The following F5 variants were observed in gnomAD, a reference collection of about 807,000 sequenced individuals.
F5 encodes activated protein c cofactor.
A neutral mutation model predicts 216.4 loss-of-function variants in F5; 138 were observed. The ratio of observed to expected loss-of-function variants is 0.64; its 90% CI spans 0.56 to 0.73. The LOEUF is 0.73. F5 is among the 30% of genes least tolerant of loss of function. The pLI is 0.00. For missense variants in F5, 2,403 were observed against 2,674.0 expected, an observed-to-expected ratio of 0.90 and a Z score of 2.24; for synonymous variants, 916 against 930.7, an observed-to-expected ratio of 0.98 and a Z score of 0.29.
intron 13 of F5, among the ~76,000 whole-genome samples, chr1:169,537,976 G>A (rs1209687881): frequency 1.3e-5 from 2 of 152,016 alleles, no homozygotes; most frequent in Non-Finnish European, 2.9e-5. Context: ...CCACTTTTGG[G>A]TATATACCCA....
chr1:169,538,024 G>C (rs988146346), intron 13 of F5, among the ~76,000 whole-genome samples: 6 of 151,986 alleles, frequency 3.9e-5, no homozygotes, highest in African/African-American at 1.4e-4. Flanking sequence ...GATATCTGCT[G>C]TCCCACGTTC....
chr1:169,566,478 C>T (rs918332264), intron 3 of F5, among the ~76,000 whole-genome samples: 3 of 151,922 alleles, frequency 2.0e-5, no homozygotes, highest in African/African-American at 7.3e-5. Context: ...GATTGTGATA[C>T]CTGTTTGTTT....
At chr1:169,560,882 T>C (rs1311538428) in intron 3 of F5, 116 bp from the exon 4 acceptor site, 3 of 839,364 alleles carry the variant, frequency 3.6e-6, no homozygotes, top group Non-Finnish European at 6.0e-6. Context: ...TGTCCTTCAA[T>C]AGTGAACTTT....
intron 13 of F5, 76 bp downstream of exon 13, chr1:169,540,218 C>T (rs1659800559): frequency 1.3e-6 from 2 of 1,496,694 alleles, no homozygotes; most frequent in Non-Finnish European, 1.8e-6. Flanking sequence ...CCACAATTAT[C>T]CCCCTGAATT....
At chr1:169,584,651 T>G (rs1661064045) in intron 1 of F5, among the ~76,000 whole-genome samples, 2 of 152,230 alleles carry the variant, frequency 1.3e-5, no homozygotes, top group African/African-American at 4.8e-5. Flanking sequence ...ACCTAGTGAG[T>G]ATCATAGCTC....
At position 169,525,900 on chromosome 1, in the gene F5, C is replaced by T; in HGVS notation, c.5716+1G>A. ...CAAATATCACATGGCTCTTGTGATA[C>T]CTCTGTCCATGATAAGAAATGGCGT... On this transcript the variant is annotated splice_donor_variant, in intron 18 of 24. Coordinates refer to ENST00000367797, the MANE Select transcript of F5 (RefSeq NM_000130.5). LOFTEE classifies it high-confidence loss of function. 6.2e-7 allele frequency: 1 copy of T among 1,605,782 alleles called. No homozygotes were observed. The highest frequency in any genetic ancestry group is 8.5e-7 in the Non-Finnish European group (1 of 1,172,666).
intron 5 of F5, among the ~76,000 whole-genome samples, chr1:169,558,637 C>G (rs1241033043): frequency 6.6e-6 from 1 of 152,070 alleles, no homozygotes; most frequent in Admixed American, 6.6e-5. Flanking sequence ...TTTCTCTTAA[C>G]GATTGCTATG....
At chr1:169,580,726 TTAAA>T (rs1193789997) in intron 2 of F5, among the ~76,000 whole-genome samples, 3 of 152,054 alleles carry the variant, frequency 2.0e-5, no homozygotes, top group Non-Finnish European at 4.4e-5. Context: ...CTGTTTAAAA[TTAAA>T]TAAATATATA....
chr1:169,582,814 A>C (rs2101847267), intron 1 of F5, among the ~76,000 whole-genome samples: 1 of 152,334 alleles, frequency 6.6e-6, no homozygotes, highest in African/African-American at 2.4e-5. Flanking sequence ...CACAGTAGAA[A>C]CCCAAACTGT....
rs181466814 is a variant in F5 at position 169,550,505 on chromosome 1, G to A, written c.1396+135C>T. 5.5e-6 allele frequency: 4 copies of A among 728,092 alleles called. No individual in the cohort carries two copies. The East Asian group carries it at 1.1e-4, about 20-fold the overall frequency. The allele number at this position is 728,092 out of a possible 1,614,324, so 45.1% of individuals were successfully genotyped here. A position where few individuals can be genotyped will look rare whatever the true frequency, so the allele number is the denominator to read the frequency against. Reference sequence around the variant, plus strand: ...CTCCTGAAGTGAGAAGGGTTTGGCTGTGATTTTTAGGATACTCCTACATGT... The same window carrying A: ...CTCCTGAAGTGAGAAGGGTTTGGCTATGATTTTTAGGATACTCCTACATGT... On this transcript the variant is annotated intron_variant, in intron 9 of 24. Coordinates refer to ENST00000367797, the MANE Select transcript of F5 (RefSeq NM_000130.5).
Position 169,540,460 on chromosome 1 carries a change from C to A in F5, c.4630G>T (p.Val1544Leu), listed in dbSNP as rs139288793. 267 of 1,614,000 alleles carry A rather than the reference C, an allele frequency of 1.7e-4. No individual in the cohort carries two copies. The highest frequency in any genetic ancestry group is 8.2e-4 in the Middle Eastern group (5 of 6,062). Residue 1544 changes from valine to leucine, a missense_variant, in exon 13 of 25, where the codon GTG becomes TTG. Val to Leu is a conservative substitution (Grantham distance 32). Transcript: ENST00000367797. ...SEDDYAEIDYVPYDDPYKTDV... is the reference protein window; with the variant it reads ...SEDDYAEIDYLPYDDPYKTDV... The stretch of plus-strand genomic sequence containing the variant: ...GTTTTGTAGGGGTCATCATAGGGCA[C>A]ATAATCAATTTCAGCATAGTCATCT...
Position 169,529,699 on chromosome 1 carries a change from A to T in F5, c.5328T>A (p.Phe1776Leu). 1 of 1,613,848 alleles carries T rather than the reference A, an allele frequency of 6.2e-7. No homozygotes were observed. Among genetic ancestry groups the T allele is most frequent in the Non-Finnish European group, 8.5e-7 (1 of 1,179,806 alleles). ...MREFVLLFMT[F>L]DEKKSWYYEK... Reference sequence around the variant, plus strand: ...CATAGTACCAGCTCTTCTTTTCATCAAAGGTCATAAATAGTAAGACAAATT... The same window carrying T: ...CATAGTACCAGCTCTTCTTTTCATCTAAGGTCATAAATAGTAAGACAAATT... Residue 1776 changes from phenylalanine to leucine, a missense_variant, in exon 16 of 25, where the codon TTT becomes TTA. By Grantham distance (22) the Phe-to-Leu change is conservative. Around this residue, in one of 4 missense-constraint regions of F5, gnomAD observed 659 missense variants for 787.9 expected, o/e 0.84. Transcript: ENST00000367797.
intron 6 of F5, among the ~76,000 whole-genome samples, chr1:169,556,349 T>C (rs1417591504): frequency 2.0e-5 from 3 of 149,200 alleles, no homozygotes; most frequent in Non-Finnish European, 4.4e-5. Flanking sequence ...AGAAAGAATA[T>C]CTCTATGTAT....
chr1:169,550,494 AG>A, intron 9 of F5, 145 bp downstream of exon 9: 4 of 696,028 alleles, frequency 5.7e-6, no homozygotes, highest in Non-Finnish European at 1.0e-5. Context: ...TGAAGTGAGA[AG>A]GGTTTGGCTG....
At chr1:169,562,291 C>A (rs1430127649) in intron 3 of F5, among the ~76,000 whole-genome samples, 2 of 152,046 alleles carry the variant, frequency 1.3e-5, no homozygotes, top group South Asian at 2.1e-4. Context: ...ATTACACACC[C>A]TTTTGTGTTG....
chr1:169,545,977 A>C (rs960016936), intron 11 of F5, among the ~76,000 whole-genome samples: 1 of 152,176 alleles, frequency 6.6e-6, no homozygotes, highest in African/African-American at 2.4e-5. Context: ...GTCTTCATGC[A>C]TGCCTTTCCA....
intron 17 of F5, among the ~76,000 whole-genome samples, chr1:169,526,680 CCA>C (rs1177510904): frequency 1.3e-5 from 2 of 151,960 alleles, no homozygotes; most frequent in African/African-American, 4.8e-5. Context: ...AAAAATGTCT[CCA>C]GTTTTCCTCT....
chr1:169,586,142 A>T, intron 1 of F5, 87 bp downstream of exon 1: 1 of 1,442,002 alleles, frequency 6.9e-7, no homozygotes, highest in Non-Finnish European at 9.5e-7. Context: ...AAAAAAAAAA[A>T]GCCATGACAT....
At chr1:169,515,282 A>G (rs1036357146) in intron 24 of F5, among the ~76,000 whole-genome samples, 162 bp downstream of exon 24, 1 of 152,148 alleles carries the variant, frequency 6.6e-6, no homozygotes, top group Non-Finnish European at 1.5e-5. Flanking sequence ...ACCAAAACAG[A>G]CAACCAGGAG....
Sources: gnomAD v4.1 joint callset for allele counts (sites outside exome capture counted in the v4.1 genomes callset) on GRCh38, gnomAD v4.1.1 for gene constraint, gnomAD v4.1.1 regional missense constraint, MANE v1.5 for transcripts, NCBI Gene and HGNC (gene_info 2026-07-23, HGNC 2026-07-21) for gene names.